AFG1L: variants seen among roughly 807,000 people sequenced by gnomAD.
AFG1L encodes AFG1 like ATPase.
A neutral mutation model predicts 62.2 loss-of-function variants in AFG1L; 53 were observed. The ratio of observed to expected loss-of-function variants is 0.85; its 90% CI spans 0.68 to 1.07. The LOEUF (loss-of-function observed/expected upper bound fraction) is 1.07. Among genes scored for constraint, AFG1L ranks in the 50% least tolerant of loss-of-function variants. The probability of loss-of-function intolerance (pLI) is 0.00; values close to 1 mark genes in which losing one functional copy is unlikely to be tolerated. For synonymous variants in AFG1L, 228 were observed against 210.3 expected, an observed-to-expected ratio of 1.08 and a Z score of -0.73; for missense variants, 555 against 590.5, an observed-to-expected ratio of 0.94 and a Z score of 0.62.
intron 2 of AFG1L, among the ~76,000 whole-genome samples, chr6:108,334,589 A>G (rs1046262694): frequency 1.0e-4 from 2 of 19,952 alleles, no homozygotes; most frequent in Non-Finnish European, 2.2e-4. Context: ...AATTATTAGC[A>G]CAGTCCTCCA....
chr6:108,515,455 G>T (rs1774842176), intron 11 of AFG1L, among the ~76,000 whole-genome samples: 1 of 152,028 alleles, frequency 6.6e-6, no homozygotes, highest in African/African-American at 2.4e-5. Flanking sequence ...AAACCAACGA[G>T]AACAAAGACA....
intron 1 of AFG1L, 55 bp downstream of exon 1, chr6:108,295,273 T>A: frequency 6.5e-7 from 1 of 1,541,504 alleles, no homozygotes; most frequent in African/African-American, 1.4e-5. Flanking sequence ...TGGAGAAGCC[T>A]CTGGGATTAC....
At chr6:108,505,196 C>A (rs996064341) in intron 10 of AFG1L, among the ~76,000 whole-genome samples, 1 of 151,516 alleles carries the variant, frequency 6.6e-6, no homozygotes, top group African/African-American at 2.4e-5. Flanking sequence ...CAGGTTCAAG[C>A]GATTCTCCTG....
chr6:108,310,757 T>C lies in AFG1L; in HGVS notation c.140-13068T>C, dbSNP rs913943999. 3.3e-5 allele frequency among the ~76,000 whole-genome samples: 5 copies of C among 152,012 alleles called. No individual in the cohort carries two copies. In the East Asian group the frequency reaches 9.7e-4, roughly 29 times the overall value. On this transcript the variant is annotated intron_variant, in intron 1 of 12. Transcript: ENST00000368977. ...ACCCGGCTAATTTTTGTATTTTTAT[T>C]GGTGATGGGGTTTCGCCATGTTGGC...
At chr6:108,414,869 G>T (rs773982450) in intron 7 of AFG1L, among the ~76,000 whole-genome samples, 1 of 152,216 alleles carries the variant, frequency 6.6e-6, no homozygotes, top group Non-Finnish European at 1.5e-5. Context: ...ACAAGACAGG[G>T]ATGCCCTCTC....
intron 11 of AFG1L, among the ~76,000 whole-genome samples, chr6:108,517,993 G>A (rs1774970814): frequency 2.0e-5 from 3 of 152,214 alleles, no homozygotes; most frequent in Admixed American, 2.0e-4. Flanking sequence ...TCATTAAAAA[G>A]TCAGGAAACA....
intron 6 of AFG1L, among the ~76,000 whole-genome samples, chr6:108,390,160 C>T (rs890346147): frequency 2.6e-5 from 4 of 152,188 alleles, no homozygotes; most frequent in African/African-American, 4.8e-5. Context: ...TTGATTGAAT[C>T]GGCTACTGAA....
intron 7 of AFG1L, among the ~76,000 whole-genome samples, chr6:108,429,531 G>T (rs1208558027): frequency 6.6e-6 from 1 of 152,166 alleles, no homozygotes; most frequent in Non-Finnish European, 1.5e-5. Flanking sequence ...TGAGATTTGG[G>T]TGGGGACACA....
intron 7 of AFG1L, among the ~76,000 whole-genome samples, chr6:108,415,387 C>T (rs1562146114): frequency 1.3e-5 from 2 of 152,108 alleles, no homozygotes; most frequent in Non-Finnish European, 2.9e-5. Context: ...CATCAAGCTA[C>T]CAATGACTTT....
At chr6:108,435,868 C>T (rs371412935) in intron 7 of AFG1L, among the ~76,000 whole-genome samples, 31 of 152,306 alleles carry the variant, frequency 2.0e-4, no homozygotes, top group African/African-American at 7.2e-4. Context: ...TACTAACTTG[C>T]ACTAGAGCTT....
At chr6:108,483,935 C>A (rs898102808) in intron 10 of AFG1L, among the ~76,000 whole-genome samples, 3 of 152,174 alleles carry the variant, frequency 2.0e-5, no homozygotes, top group African/African-American at 7.2e-5. Context: ...TGTTAAGTGA[C>A]ATTTCCCTTC....
chr6:108,360,634 T>C (rs997865223), intron 5 of AFG1L, among the ~76,000 whole-genome samples: 7 of 152,198 alleles, frequency 4.6e-5, no homozygotes, highest in Admixed American at 2.0e-4. Flanking sequence ...AAAAGGCTGA[T>C]ATCTGCATAT....
intron 7 of AFG1L, among the ~76,000 whole-genome samples, chr6:108,403,705 G>A (rs1480723519): frequency 6.6e-6 from 1 of 150,640 alleles, no homozygotes; most frequent in Non-Finnish European, 1.5e-5. Context: ...TCTTCATATA[G>A]CATAAAATAC....
intron 7 of AFG1L, among the ~76,000 whole-genome samples, chr6:108,425,416 A>ATGTGTG (rs374947584): frequency 6.6e-6 from 1 of 150,748 alleles, no homozygotes; most frequent in African/African-American, 2.4e-5. Context: ...TAAATAGTGT[A>ATGTGTG]TGTGTGTGTG....
chr6:108,358,720 G>A lies in AFG1L; in HGVS notation c.648+1900G>A, dbSNP rs143239939. Reference sequence around the variant, plus strand: ...CTAATTTTTTTGTATTTTTAGTAGAGACGGGGTTTCACCACGTTGGCCAGG... The same window carrying A: ...CTAATTTTTTTGTATTTTTAGTAGAAACGGGGTTTCACCACGTTGGCCAGG... On this transcript the variant is annotated intron_variant, in intron 5 of 12. Coordinates refer to ENST00000368977, the MANE Select transcript of AFG1L (RefSeq NM_145315.5). 8.5e-3 allele frequency among the ~76,000 whole-genome samples: 1,296 copies of A among 152,230 alleles called. 21 individuals carry two copies. Among genetic ancestry groups the A allele is most frequent in the Admixed American group, 0.046 (705 of 15,298 alleles).
chr6:108,446,356 G>A (rs1407165249), intron 7 of AFG1L, among the ~76,000 whole-genome samples: 1 of 152,102 alleles, frequency 6.6e-6, no homozygotes, highest in Non-Finnish European at 1.5e-5. Flanking sequence ...GGTGGCCAGA[G>A]AGGAAACTAA....
chr6:108,447,324 A>G (rs1335841833), intron 8 of AFG1L, 28 bp downstream of exon 8: 4 of 1,262,116 alleles, frequency 3.2e-6, no homozygotes, highest in Non-Finnish European at 4.6e-6. Flanking sequence ...TTAAAGTTTA[A>G]TGTCTAATCG....
chr6:108,350,476 G>T (rs1779037258), intron 3 of AFG1L, among the ~76,000 whole-genome samples: 1 of 152,164 alleles, frequency 6.6e-6, no homozygotes, highest in African/African-American at 2.4e-5. Context: ...GTGTTGAGAT[G>T]ATTGACTCAG....
intron 5 of AFG1L, among the ~76,000 whole-genome samples, chr6:108,361,822 C>T (rs537715189): frequency 1.4e-4 from 22 of 152,288 alleles, no homozygotes; most frequent in African/African-American, 5.3e-4. Context: ...CCGTTGACCC[C>T]CACACTTCTG....
Sources: allele counts gnomAD v4.1 joint callset (sites outside exome capture counted in the v4.1 genomes callset), GRCh38; gene constraint gnomAD v4.1.1; transcripts MANE v1.5; gene names NCBI Gene and HGNC (gene_info 2026-07-23, HGNC 2026-07-21).